DUS2: variants seen among roughly 807,000 people sequenced by gnomAD.
DUS2 encodes dihydrouridine synthase 2.
In DUS2, 52 loss-of-function variants were observed where a neutral mutation model predicts 71.3. That is an observed-to-expected ratio of 0.73 (90% confidence interval 0.58 to 0.92). DUS2 has a LOEUF of 0.92. Ranked by LOEUF, DUS2 falls within the 40% of genes least tolerant of loss-of-function variation. The pLI, the probability that DUS2 is intolerant of heterozygous loss-of-function variation, is 0.00. For synonymous variants in DUS2, 204 were observed against 227.8 expected, an observed-to-expected ratio of 0.90 and a Z score of 0.94; for missense variants, 558 against 622.6, an observed-to-expected ratio of 0.90 and a Z score of 1.10.
At chr16:68,075,729 G>T (rs2034147444) in intron 14 of DUS2, among the ~76,000 whole-genome samples, 1 of 151,954 alleles carries the variant, frequency 6.6e-6, no homozygotes, top group Non-Finnish European at 1.5e-5. Context: ...CTTTTTCCCT[G>T]ATTTACCGCC....
intron 8 of DUS2, 150 bp from the exon 9 acceptor site, chr16:68,066,167 T>C: frequency 1.3e-6 from 1 of 757,406 alleles, no homozygotes; most frequent in Non-Finnish European, 2.3e-6. Flanking sequence ...CTTATGTGTG[T>C]ATGTGTGTAA....
chr16:68,044,864 C>T (rs2033679079), intron 3 of DUS2, among the ~76,000 whole-genome samples: 1 of 152,186 alleles, frequency 6.6e-6, no homozygotes, highest in Non-Finnish European at 1.5e-5. Context: ...GCAATCTCAG[C>T]TCACTGCAAC....
intron 14 of DUS2, 128 bp from the exon 15 acceptor site, chr16:68,076,504 T>A: frequency 3.0e-6 from 2 of 677,618 alleles, no homozygotes; most frequent in Non-Finnish European, 5.2e-6. Context: ...ACAGAAGCCT[T>A]AAGGCAGCAG....
chr16:68,069,472 G>C (rs1405832481), intron 10 of DUS2, among the ~76,000 whole-genome samples: 1 of 152,190 alleles, frequency 6.6e-6, no homozygotes, highest in African/African-American at 2.4e-5. Context: ...CGTCTTGCTT[G>C]CTTTGTTGCT....
intron 7 of DUS2, among the ~76,000 whole-genome samples, chr16:68,058,052 G>A (rs2033886366): frequency 6.6e-6 from 1 of 152,012 alleles, no homozygotes; most frequent in South Asian, 2.1e-4. Context: ...TAAGCAGAGG[G>A]TGTGGTATAA....
At chr16:68,055,491 T>C (rs1193748927) in intron 6 of DUS2, among the ~76,000 whole-genome samples, 1 of 152,146 alleles carries the variant, frequency 6.6e-6, no homozygotes, top group Non-Finnish European at 1.5e-5. Flanking sequence ...CTATAGTTAA[T>C]GTGATAGGTT....
chr16:68,057,149 A>G (rs1443786302), intron 7 of DUS2, among the ~76,000 whole-genome samples: 1 of 141,646 alleles, frequency 7.1e-6, no homozygotes, highest in African/African-American at 2.6e-5. Context: ...ATATATAAAT[A>G]TATAATATAT....
intron 2 of DUS2, among the ~76,000 whole-genome samples, chr16:68,029,158 T>G (rs1474489977): frequency 5.9e-5 from 9 of 151,270 alleles, no homozygotes; most frequent in Non-Finnish European, 1.3e-4. Flanking sequence ...TGAGCCATGA[T>G]TGTGCCGCTG....
chr16:68,029,556 C>G (rs1383261193), intron 2 of DUS2, among the ~76,000 whole-genome samples: 1 of 152,028 alleles, frequency 6.6e-6, no homozygotes, highest in Admixed American at 6.6e-5. Flanking sequence ...AAGTGATTCT[C>G]CTGCCTCAGC....
At chr16:68,052,525 C>T (rs150309471) in intron 4 of DUS2, among the ~76,000 whole-genome samples, 1,783 of 152,248 alleles carry the variant, frequency 0.012, 18 homozygotes, top group Non-Finnish European at 0.019. Context: ...TATATAGTAA[C>T]CTTCCACTCA....
intron 3 of DUS2, among the ~76,000 whole-genome samples, chr16:68,048,708 G>T (rs2033737348): frequency 6.6e-6 from 1 of 152,156 alleles, no homozygotes; most frequent in African/African-American, 2.4e-5. Context: ...GTTGTGACTT[G>T]CTGGGGCTCA....
rs768489609 is a variant in DUS2 at position 68,070,186 on chromosome 16, A to G, written c.607A>G (p.Ile203Val). Residue 203 changes from isoleucine (I) to valine (V), a missense_variant, in exon 11 of 17, where the codon ATT becomes GTT. Coordinates refer to ENST00000565263, the MANE Select transcript of DUS2 (RefSeq NM_017803.5). ...HPVSCEVIKA[I>V]ADTLSIPVIA... The stretch of plus-strand genomic sequence containing the variant: ...TGTCAGCTGTGAAGTCATCAAAGCC[A>G]TTGCTGATACCCTCTCCATTCCTGT... The G allele has an allele frequency of 2.7e-5, 43 of 1,614,054 alleles. 2 individuals are homozygous for G. The Middle Eastern group carries it at 2.5e-3, about 93-fold the overall frequency.
At chr16:68,056,122 C>T (rs990348928) in intron 6 of DUS2, among the ~76,000 whole-genome samples, 1 of 151,992 alleles carries the variant, frequency 6.6e-6, no homozygotes, top group Non-Finnish European at 1.5e-5. Flanking sequence ...TTCATCTAGC[C>T]CTTTATAGAT....
chr16:68,054,694 G>A, intron 6 of DUS2, 77 bp downstream of exon 6: 1 of 1,542,674 alleles, frequency 6.5e-7, no homozygotes, highest in Non-Finnish European at 9.0e-7. Context: ...TGGTGACTTT[G>A]TAGGTGACTC....
rs1487745674 is a variant in DUS2, at chr16:68,035,919, TATATATATATAC to T, written c.-18-2085_-18-2074del. ...ATATATATATATATATATATATATA[TATATATATATAC>T]ACACATACATACACATATATATACA... On this transcript the variant is annotated intron_variant, in intron 2 of 16. Coordinates refer to ENST00000565263, the MANE Select transcript of DUS2 (RefSeq NM_017803.5). 4.9e-3 allele frequency among the ~76,000 whole-genome samples: 392 copies of T among 79,562 alleles called. 8 individuals are homozygous for T. Among genetic ancestry groups the T allele is most frequent in the African/African-American group, 0.015 (360 of 24,470 alleles). 52.2% of individuals were successfully genotyped at this position (79,562 alleles called of 152,430 possible). A position where few individuals can be genotyped will look rare whatever the true frequency, so the allele number is the denominator to read the frequency against.
chr16:68,035,887 TA>T (rs1567470038), intron 2 of DUS2, among the ~76,000 whole-genome samples: 157 of 2,700 alleles, frequency 0.058, 2 homozygotes, highest in African/African-American at 0.06. Flanking sequence ...GCTAATTTTA[TA>T]TATATATATA....
intron 15 of DUS2, 52 bp downstream of exon 15, chr16:68,076,771 C>CCCAACTCTAG: frequency 6.7e-7 from 1 of 1,492,598 alleles, no homozygotes; most frequent in Non-Finnish European, 9.3e-7. Flanking sequence ...ACTCCCATGG[C>CCCAACTCTAG]TTACACCCTC....
rs1213508148 is a variant in DUS2 at position 68,073,449 on chromosome 16, C to CTT, written c.811-569_811-568dup. 6.9e-3 allele frequency among the ~76,000 whole-genome samples: 776 copies of CTT among 111,810 alleles called. 13 individuals carry two copies. Among genetic ancestry groups the CTT allele is most frequent in the African/African-American group, 0.024 (715 of 30,280 alleles). The allele number at this position is 111,810 out of a possible 152,430, so 73.4% of individuals were successfully genotyped here. ...AACATGCCTGGCTAATTTTCTTTTT[C>CTT]TTTTTTTTTTTTTTTTTGAGACAGA... On this transcript the variant is annotated intron_variant, in intron 12 of 16. Coordinates refer to ENST00000565263, the MANE Select transcript of DUS2 (RefSeq NM_017803.5).
intron 2 of DUS2, among the ~76,000 whole-genome samples, chr16:68,032,938 G>T (rs2151410303): frequency 7.2e-6 from 1 of 138,732 alleles, no homozygotes; most frequent in South Asian, 2.3e-4. Flanking sequence ...AAAAGGGAAT[G>T]CCAGGGTGGC....
Sources: gnomAD v4.1 joint callset for allele counts (sites outside exome capture counted in the v4.1 genomes callset) on GRCh38, gnomAD v4.1.1 for gene constraint, MANE v1.5 for transcripts, NCBI Gene and HGNC (gene_info 2026-07-23, HGNC 2026-07-21) for gene names.